REEP6: variants seen among roughly 807,000 people sequenced by gnomAD.
REEP6 encodes the protein receptor expression-enhancing protein 6.
Under a neutral mutation model 22.4 loss-of-function variants are expected in REEP6, and 19 were observed. That is an observed-to-expected ratio of 0.85 (90% CI 0.59 to 1.25). The LOEUF (loss-of-function observed/expected upper bound fraction) is 1.25, where lower values mean the gene tolerates loss of function less well. Among genes scored for constraint, REEP6 ranks in the 50% most tolerant of loss-of-function variants. The pLI is 0.00. For synonymous variants in REEP6, 121 were observed against 113.6 expected (o/e 1.06, Z -0.41); for missense variants, 273 against 251.9 (o/e 1.08, Z -0.57).
Position 1,497,806 on chromosome 19 carries a change from C to T in REEP6, c.*595C>T, listed in dbSNP as rs770067731. ...TCCGGGACCTCTCTGGAGTACACTT[C>T]GGAGTCCACCACCGAGATCACCTGC... On this transcript the variant is annotated 3_prime_UTR_variant, in exon 5 of 5. Coordinates refer to ENST00000233596, the MANE Select transcript of REEP6 (RefSeq NM_138393.4). The surrounding 1 kb of genome is among the most constrained non-coding windows in gnomAD (Gnocchi z 6.5). The T allele has an allele frequency of 6.5e-6, 3 of 462,212 alleles. No individual in the cohort carries two copies. Among genetic ancestry groups the T allele is most frequent in the Admixed American group, 2.4e-5 (1 of 41,670 alleles). 28.6% of individuals were successfully genotyped at this position (462,212 alleles called of 1,614,324 possible).
chr19:1,497,158 G>GCCCC lies in REEP6; in HGVS notation c.518-15_518-12dup. On this transcript the variant is annotated splice_polypyrimidine_tract_variant and intron_variant, in intron 4 of 4. Coordinates refer to ENST00000233596, the MANE Select transcript of REEP6 (RefSeq NM_138393.4). This position sits in a 1 kb window ranked among gnomAD's most constrained non-coding sequence, Gnocchi z 6.5. The stretch of plus-strand genomic sequence containing the variant: ...CCTGCCTCACGGCCCTCCCCCACCC[G>GCCCC]CCCCTCTCTCTGCAGTCAAGCCAAG... 1.3e-6 allele frequency: 1 copy of GCCCC among 755,936 alleles called. No individual in the cohort carries two copies. The highest frequency in any genetic ancestry group is 1.9e-6 in the Non-Finnish European group (1 of 535,380). 46.8% of individuals were successfully genotyped at this position (755,936 alleles called of 1,614,324 possible). A position where few individuals can be genotyped will look rare whatever the true frequency, so the allele number is the denominator to read the frequency against.
intron 1 of REEP6, among the ~76,000 whole-genome samples, chr19:1,492,978 C>T (rs2084978806): frequency 6.6e-6 from 1 of 152,150 alleles, no homozygotes; most frequent in Admixed American, 6.5e-5. Context: ...AGGAGGCAGG[C>T]AGCAGGGAGG....
Position 1,497,559 on chromosome 19 carries a change from G to A in REEP6, c.*348G>A, listed in dbSNP as rs1185442463. The A allele has an allele frequency of 3.4e-6, 2 of 584,170 alleles. No homozygotes were observed. The highest frequency in any genetic ancestry group is 6.7e-6 in the Non-Finnish European group (2 of 299,750). The allele number at this position is 584,170 out of a possible 1,614,324, so 36.2% of individuals were successfully genotyped here. A position where few individuals can be genotyped will look rare whatever the true frequency, so the allele number is the denominator to read the frequency against. On this transcript the variant is annotated 3_prime_UTR_variant, in exon 5 of 5. Coordinates refer to ENST00000233596, the MANE Select transcript of REEP6 (RefSeq NM_138393.4). This position sits in a 1 kb window ranked among gnomAD's most constrained non-coding sequence, Gnocchi z 6.5. ...TACTTCCTCCAGCCCCTCCCAGTCA[G>A]CCCTCCCGTCCTCGGGGCCCCTGCA...
chr19:1,496,511 C>G, intron 4 of REEP6, 58 bp downstream of exon 4: 1 of 1,577,238 alleles, frequency 6.3e-7, no homozygotes, highest in Non-Finnish European at 8.6e-7. Flanking sequence ...GGACCTGTCT[C>G]TCTCCACCTT....
chr19:1,494,394 C>T (rs1599270567), intron 1 of REEP6, among the ~76,000 whole-genome samples: 1 of 152,164 alleles, frequency 6.6e-6, no homozygotes, highest in East Asian at 1.9e-4. Flanking sequence ...GGGCTGATGG[C>T]ATGGAGTGGG....
intron 1 of REEP6, among the ~76,000 whole-genome samples, chr19:1,493,478 C>T (rs1222721779): frequency 6.6e-6 from 1 of 152,054 alleles, no homozygotes; most frequent in African/African-American, 2.4e-5. Flanking sequence ...CAGAAGTGGC[C>T]TCTATCTCAC....
intron 3 of REEP6, 65 bp from the exon 4 acceptor site, chr19:1,496,220 C>G: frequency 1.3e-6 from 2 of 1,534,408 alleles, no homozygotes; most frequent in Non-Finnish European, 1.8e-6. Flanking sequence ...AGTGGTGCAG[C>G]CCCTCTCCCC....
chr19:1,497,791 C>T lies in REEP6; in HGVS notation c.*580C>T, dbSNP rs1403531831. The T allele has an allele frequency of 6.4e-6, 3 of 470,774 alleles. No homozygotes were observed. The highest frequency in any genetic ancestry group is 4.4e-6 in the Non-Finnish European group (1 of 227,062). 29.2% of individuals were successfully genotyped at this position (470,774 alleles called of 1,614,324 possible). A position where few individuals can be genotyped will look rare whatever the true frequency, so the allele number is the denominator to read the frequency against. Reference sequence around the variant, plus strand: ...CTGGTCCCCTGCCATTCCGGGACCTCTCTGGAGTACACTTCGGAGTCCACC... The same window carrying T: ...CTGGTCCCCTGCCATTCCGGGACCTTTCTGGAGTACACTTCGGAGTCCACC... On this transcript the variant is annotated 3_prime_UTR_variant, in exon 5 of 5. Coordinates refer to ENST00000233596, the MANE Select transcript of REEP6 (RefSeq NM_138393.4). The surrounding 1 kb of genome is among the most constrained non-coding windows in gnomAD (Gnocchi z 6.5).
At chr19:1,495,773 A>T (rs577168267) in intron 3 of REEP6, 166 bp downstream of exon 3, 1 of 892,686 alleles carries the variant, frequency 1.1e-6, no homozygotes, top group South Asian at 1.7e-5. Context: ...CTGATGGTGG[A>T]GGGCCCACCC....
rs937286721 is a variant in REEP6 at position 1,495,225 on chromosome 19, C to T, written c.116-69C>T. ...GTTGCAGTCTTCGTCGACTGAAAGG[C>T]GGCCTGGGTACCGTCGTGGGGGCTC... On this transcript the variant is annotated intron_variant, in intron 1 of 4. Coordinates refer to ENST00000233596, the MANE Select transcript of REEP6 (RefSeq NM_138393.4). 2.8e-4 allele frequency: 423 copies of T among 1,484,970 alleles called. 1 individual carries two copies. Among genetic ancestry groups the T allele is most frequent in the South Asian group, 8.2e-4 (72 of 88,266 alleles). The allele number at this position is 1,484,970 out of a possible 1,614,324, so 92.0% of individuals were successfully genotyped here. A position where few individuals can be genotyped will look rare whatever the true frequency, so the allele number is the denominator to read the frequency against.
Position 1,496,368 on chromosome 19 carries a change from C to G in REEP6, c.432C>G (p.Phe144Leu), listed in dbSNP as rs150074762. 40 of 1,613,114 alleles carry G rather than the reference C, an allele frequency of 2.5e-5. No individual in the cohort carries two copies. Among genetic ancestry groups the G allele is most frequent in the Non-Finnish European group, 3.2e-5 (38 of 1,179,960 alleles). ...ATCAGCGCGTCGTGCGTCCGCTGTT[C>G]CTAAGGCACCACGGGGCCGTAGACA... ...MLYQRVVRPL[F>L]LRHHGAVDRI... Residue 144 changes from phenylalanine to leucine, a missense_variant, in exon 4 of 5, where the codon TTC becomes TTG. Phe to Leu is a conservative substitution (Grantham distance 22, BLOSUM62 0). Coordinates refer to ENST00000233596, the MANE Select transcript of REEP6 (RefSeq NM_138393.4).
intron 4 of REEP6, chr19:1,496,681 C>G: frequency 1.4e-6 from 1 of 712,302 alleles, no homozygotes. Flanking sequence ...CGTACGTAAC[C>G]GCTGTGGGGA....
chr19:1,491,524 C>A lies in REEP6; in HGVS notation c.115+140C>A, dbSNP rs2145468539. On this transcript the variant is annotated intron_variant, in intron 1 of 4. Coordinates refer to ENST00000233596, the MANE Select transcript of REEP6 (RefSeq NM_138393.4). This position sits in a 1 kb window ranked among gnomAD's most constrained non-coding sequence, Gnocchi z 5.4. ...GCGAGGTGACTGGGACCTCGAGGTC[C>A]GCCCGCAGCCCTTCCCTTGCCCGCG... 2.0e-6 allele frequency: 1 copy of A among 495,440 alleles called. No individual in the cohort carries two copies. Among genetic ancestry groups the A allele is most frequent in the South Asian group, 4.7e-5 (1 of 21,172 alleles). The allele number at this position is 495,440 out of a possible 1,614,324, so 30.7% of individuals were successfully genotyped here. A position where few individuals can be genotyped will look rare whatever the true frequency, so the allele number is the denominator to read the frequency against.
chr19:1,493,360 C>A (rs1046981361), intron 1 of REEP6, among the ~76,000 whole-genome samples: 3 of 152,078 alleles, frequency 2.0e-5, no homozygotes, highest in Non-Finnish European at 4.4e-5. Flanking sequence ...GGAGGCCACT[C>A]CTGGGACCAG....
Position 1,491,420 on chromosome 19 carries a change from C to A in REEP6, c.115+36C>A. ...GGCGCTAGCCCGTTTCGCCGACGGG[C>A]ACACCGAGGCCATGGGCCTGGGGGT... On this transcript the variant is annotated intron_variant, in intron 1 of 4. Coordinates refer to ENST00000233596, the MANE Select transcript of REEP6 (RefSeq NM_138393.4). The surrounding 1 kb of genome is among the most constrained non-coding windows in gnomAD (Gnocchi z 5.4). 7.5e-7 allele frequency: 1 copy of A among 1,342,092 alleles called. No homozygotes were observed. Among genetic ancestry groups the A allele is most frequent in the Non-Finnish European group, 9.7e-7 (1 of 1,027,756 alleles). 83.1% of individuals were successfully genotyped at this position (1,342,092 alleles called of 1,614,324 possible). A position where few individuals can be genotyped will look rare whatever the true frequency, so the allele number is the denominator to read the frequency against.
At chr19:1,495,634 C>G in intron 3 of REEP6, 27 bp downstream of exon 3, 1 of 1,613,662 alleles carries the variant, frequency 6.2e-7, no homozygotes, top group Non-Finnish European at 8.5e-7. Flanking sequence ...CGGGCACAGC[C>G]GTGGAGCGCA....
rs62128471 is a variant in REEP6 at position 1,497,771 on chromosome 19, C to G, written c.*560C>G. On this transcript the variant is annotated 3_prime_UTR_variant, in exon 5 of 5. Coordinates refer to ENST00000233596, the MANE Select transcript of REEP6 (RefSeq NM_138393.4). This position sits in a 1 kb window ranked among gnomAD's most constrained non-coding sequence, Gnocchi z 6.5. Reference sequence around the variant, plus strand: ...GCAGCGCCTCAGTGCCCGAGCTGGTCCCCTGCCATTCCGGGACCTCTCTGG... The same window carrying G: ...GCAGCGCCTCAGTGCCCGAGCTGGTGCCCTGCCATTCCGGGACCTCTCTGG... 5 of 470,728 alleles carry G rather than the reference C, an allele frequency of 1.1e-5. No homozygotes were observed. The highest frequency in any genetic ancestry group is 2.3e-5 in the Admixed American group (1 of 42,566). The allele number at this position is 470,728 out of a possible 1,614,324, so 29.2% of individuals were successfully genotyped here.
chr19:1,497,807 G>A lies in REEP6; in HGVS notation c.*596G>A, dbSNP rs1023931636. On this transcript the variant is annotated 3_prime_UTR_variant, in exon 5 of 5. Coordinates refer to ENST00000233596, the MANE Select transcript of REEP6 (RefSeq NM_138393.4). The surrounding 1 kb of genome is among the most constrained non-coding windows in gnomAD (Gnocchi z 6.5). ...CCGGGACCTCTCTGGAGTACACTTC[G>A]GAGTCCACCACCGAGATCACCTGCA... 1.9e-5 allele frequency: 9 copies of A among 466,890 alleles called. No individual in the cohort carries two copies. Among genetic ancestry groups the A allele is most frequent in the African/African-American group, 8.2e-5 (4 of 49,040 alleles). 28.9% of individuals were successfully genotyped at this position (466,890 alleles called of 1,614,324 possible).
In REEP6 at chr19:1,491,200, C is replaced by G; in HGVS notation, c.-70C>G. 2 of 1,098,050 alleles carry G rather than the reference C, an allele frequency of 1.8e-6. No individual in the cohort carries two copies. The highest frequency in any genetic ancestry group is 2.5e-6 in the Non-Finnish European group (2 of 809,856). The allele number at this position is 1,098,050 out of a possible 1,614,324, so 68.0% of individuals were successfully genotyped here. A position where few individuals can be genotyped will look rare whatever the true frequency, so the allele number is the denominator to read the frequency against. The stretch of plus-strand genomic sequence containing the variant: ...CGGCTCAGGCTGCGGGAAAGCGGTG[C>G]GCGTGCAGCGGGGTGGGTGCCCTGG... On this transcript the variant is annotated 5_prime_UTR_variant, in exon 1 of 5. Transcript: ENST00000233596. This position sits in a 1 kb window ranked among gnomAD's most constrained non-coding sequence, Gnocchi z 5.4.
Sources: allele counts gnomAD v4.1 joint callset (sites outside exome capture counted in the v4.1 genomes callset), GRCh38; gene constraint gnomAD v4.1.1; non-coding constraint Gnocchi (gnomAD v3.1); transcripts MANE v1.5; gene names NCBI Gene and HGNC (gene_info 2026-07-23, HGNC 2026-07-21).